ZNF705A: variants seen among roughly 807,000 people sequenced by gnomAD.
ZNF705A encodes zinc finger protein 705A.
In ZNF705A, 8 loss-of-function variants were observed where a neutral mutation model predicts 16.6. The ratio of observed to expected loss-of-function variants is 0.48; its 90% CI spans 0.28 to 0.87. The LOEUF is 0.87. Among genes scored for constraint, ZNF705A ranks in the 40% least tolerant of loss-of-function variants. ZNF705A has a pLI of 0.10. For missense variants in ZNF705A, 233 were observed against 359.9 expected, an observed-to-expected ratio of 0.65 and a Z score of 2.85; for synonymous variants, 73 against 117.3, an observed-to-expected ratio of 0.62 and a Z score of 2.44.
chr12:8,176,061 A>C, intron 4 of ZNF705A, 119 bp downstream of exon 5: 2 of 1,403,502 alleles, frequency 1.4e-6, no homozygotes, highest in Non-Finnish European at 1.9e-6. Context: ...CTTTCTAAGC[A>C]AAAAAAAATT....
At chr12:8,171,996 C>T (rs1280499425), upstream of ZNF705A, among the ~76,000 whole-genome samples, 1 of 152,154 alleles carries the variant, frequency 6.6e-6, no homozygotes, top group Non-Finnish European at 1.5e-5. Flanking sequence ...CTTGGCCTCC[C>T]AGAGTGCTGG....
intron 1 of ZNF705A, among the ~76,000 whole-genome samples, chr12:8,160,064 C>T (rs1431656346): frequency 6.6e-6 from 1 of 152,058 alleles, no homozygotes; most frequent in African/African-American, 2.4e-5. Flanking sequence ...ATCCCAGCAC[C>T]ATTTGTTGAA....
intron 1 of ZNF705A, among the ~76,000 whole-genome samples, chr12:8,162,374 G>A (rs934264819): frequency 6.6e-6 from 1 of 152,104 alleles, no homozygotes; most frequent in African/African-American, 2.4e-5. Flanking sequence ...CTTTGGAGTA[G>A]TCCACACCTT....
exon 4 of ZNF705A, chr12:8,175,909 C>T: frequency 6.2e-7 from 1 of 1,611,542 alleles, no homozygotes; most frequent in Non-Finnish European, 8.5e-7. Flanking sequence ...TGCATCCTAT[C>T]ACCAGAAAAG....
In ZNF705A at chr12:8,158,932, T is replaced by C. The variant is rs140247586; in HGVS notation, c.-72+1840T>C. Reference sequence around the variant, plus strand: ...CACCCATCTCCCGAGCAGTGTACACTGCAACCTATTTGTAGCCTTTTATCC... The same window carrying C: ...CACCCATCTCCCGAGCAGTGTACACCGCAACCTATTTGTAGCCTTTTATCC... On this transcript the variant is annotated intron_variant, in intron 1 of 5. Transcript: ENST00000396570. Among the ~76,000 whole-genome samples, 402 of 152,290 alleles carry C rather than the reference T, an allele frequency of 2.6e-3. 1 individual carries two copies. The highest frequency in any genetic ancestry group is 9.1e-3 in the African/African-American group (378 of 41,566).
rs748137645 is a variant in ZNF705A at position 8,166,738 on chromosome 12, A to C, written c.-71-5817A>C. Among the ~76,000 whole-genome samples the C allele has an allele frequency of 2.0e-5, 3 of 152,350 alleles. No individual in the cohort carries two copies. The East Asian group carries it at 5.8e-4, about 29-fold the overall frequency. On this transcript the variant is annotated intron_variant, in intron 1 of 5. Coordinates refer to the ZNF705A transcript ENST00000396570. The stretch of plus-strand genomic sequence containing the variant: ...TTGCGCCCTCTAAAGCGGTGGCCCA[A>C]ACTATGTCTGGGGCCCTTTTAGCCA...
intron 3 of ZNF705A, among the ~76,000 whole-genome samples, chr12:8,175,550 T>C (rs945949761): frequency 6.6e-6 from 1 of 152,184 alleles, no homozygotes; most frequent in African/African-American, 2.4e-5. Context: ...AAAGGATAAT[T>C]CATGTACTTG....
chr12:8,175,139 A>C (rs1365647736), intron 2 of ZNF705A, 89 bp from the exon 4 acceptor site: 2 of 749,920 alleles, frequency 2.7e-6, no homozygotes, highest in African/African-American at 3.5e-5. Context: ...CACTGTTTTT[A>C]TTCTTCCTTG....
chr12:8,179,857 A>G (rs1421366588), exon 5 of ZNF705A: 4 of 152,240 alleles, frequency 2.6e-5, no homozygotes, highest in Admixed American at 6.5e-5. Context: ...TATTTGTGCT[A>G]TGAAATTCTA....
intron 2 of ZNF705A, among the ~76,000 whole-genome samples, chr12:8,174,667 T>A (rs1165509979): frequency 5.3e-5 from 8 of 152,348 alleles, no homozygotes; most frequent in African/African-American, 1.9e-4. Context: ...TAGAATGTAG[T>A]CTTGACAAGG....
chr12:8,177,032 T>C (rs1297242389), exon 5 of ZNF705A: 3 of 1,611,116 alleles, frequency 1.9e-6, no homozygotes, highest in Non-Finnish European at 2.5e-6. Context: ...TCCTTTTGAA[T>C]GTAATGATTC....
At chr12:8,174,598 A>T in intron 2 of ZNF705A, 146 bp downstream of exon 3, 1 of 1,500,894 alleles carries the variant, frequency 6.7e-7, no homozygotes, top group Non-Finnish European at 8.9e-7. Flanking sequence ...GAACTTTCTA[A>T]ATCTATCTGA....
intron 1 of ZNF705A, among the ~76,000 whole-genome samples, chr12:8,163,870 C>G (rs1259250743): frequency 1.3e-5 from 2 of 152,052 alleles, no homozygotes; most frequent in Non-Finnish European, 2.9e-5. Context: ...GAACATCTAC[C>G]CCTCCTTTTA....
At chr12:8,159,296 T>C (rs1220280396) in intron 1 of ZNF705A, among the ~76,000 whole-genome samples, 1 of 152,196 alleles carries the variant, frequency 6.6e-6, no homozygotes, top group Non-Finnish European at 1.5e-5. Context: ...AGTATCTTTT[T>C]TGTATAATGA....
intron 2 of ZNF705A, 69 bp downstream of exon 3, chr12:8,174,521 C>A: frequency 6.3e-7 from 1 of 1,593,280 alleles, no homozygotes. Flanking sequence ...AGTGTTAGAA[C>A]AGCTTCCCCA....
upstream of ZNF705A, among the ~76,000 whole-genome samples, chr12:8,168,637 G>T (rs1425605007): frequency 1.3e-5 from 2 of 152,172 alleles, no homozygotes; most frequent in Non-Finnish European, 2.9e-5. Context: ...ATCCTTAGTA[G>T]TAATAGCCAA....
chr12:8,164,581 C>T (rs967041760), intron 1 of ZNF705A, among the ~76,000 whole-genome samples: 2 of 152,162 alleles, frequency 1.3e-5, no homozygotes, highest in African/African-American at 4.8e-5. Flanking sequence ...TTAGAATGTG[C>T]AGTGTTTGGT....
At chr12:8,161,380 A>G (rs539473853) in intron 1 of ZNF705A, among the ~76,000 whole-genome samples, 35 of 152,044 alleles carry the variant, frequency 2.3e-4, no homozygotes, top group Non-Finnish European at 4.6e-4. Flanking sequence ...AAGGATTGGT[A>G]CCAGTTCTTT....
intron 1 of ZNF705A, among the ~76,000 whole-genome samples, chr12:8,167,379 G>A (rs965066644): frequency 6.6e-6 from 1 of 152,194 alleles, no homozygotes; most frequent in African/African-American, 2.4e-5. Flanking sequence ...ACTGAACAGG[G>A]AGTGTCTCCA....
Sources: gnomAD v4.1 joint callset for allele counts (sites outside exome capture counted in the v4.1 genomes callset) on GRCh38, gnomAD v4.1.1 for gene constraint, MANE v1.5 for transcripts, NCBI Gene and HGNC (gene_info 2026-07-23, HGNC 2026-07-21) for gene names.